The following GNS variants were observed in gnomAD, a reference collection of about 807,000 sequenced individuals.
The protein encoded by GNS is glucosamine (N-acetyl)-6-sulfatase, also known as N-acetylglucosamine-6-sulfatase.
GNS carries 40 observed loss-of-function variants against 69.7 expected under a neutral mutation model. That is an observed-to-expected ratio of 0.57 (90% CI 0.45 to 0.75). The LOEUF (loss-of-function observed/expected upper bound fraction) is 0.75. Ranked by LOEUF, GNS falls within the 30% of genes least tolerant of loss-of-function variation. The pLI is 0.00. For missense variants in GNS, 565 were observed against 685.5 expected (o/e 0.82, Z 1.96); for synonymous variants, 243 against 251.6 (o/e 0.97, Z 0.32).
intron 9 of GNS, among the ~76,000 whole-genome samples, chr12:64,729,989 T>C (rs1869330289): frequency 6.6e-6 from 1 of 152,248 alleles, no homozygotes; most frequent in Non-Finnish European, 1.5e-5. Flanking sequence ...CCATTTGGAC[T>C]ATCCACATTT....
At chr12:64,754,379 G>C (rs951629256) in intron 1 of GNS, among the ~76,000 whole-genome samples, 9 of 152,168 alleles carry the variant, frequency 5.9e-5, no homozygotes, top group Non-Finnish European at 1.3e-4. Flanking sequence ...AGTACGGAGA[G>C]CCATGCGATG....
intron 9 of GNS, among the ~76,000 whole-genome samples, chr12:64,729,649 A>G (rs1199225966): frequency 6.6e-6 from 1 of 152,236 alleles, no homozygotes; most frequent in Non-Finnish European, 1.5e-5. Flanking sequence ...GTTTTTAAAC[A>G]TTCTAGAAAC....
chr12:64,753,180 C>T (rs1870136560), intron 1 of GNS, among the ~76,000 whole-genome samples: 1 of 152,080 alleles, frequency 6.6e-6, no homozygotes, highest in Non-Finnish European at 1.5e-5. Context: ...CCCAGGACTC[C>T]GAGACTGATT....
At chr12:64,722,357 C>G (rs564851916) in intron 11 of GNS, among the ~76,000 whole-genome samples, 1 of 152,256 alleles carries the variant, frequency 6.6e-6, no homozygotes, top group East Asian at 1.9e-4. Flanking sequence ...AAATGTCACC[C>G]TAAGAAGTTG....
chr12:64,734,630 G>C (rs1221374100), intron 9 of GNS, among the ~76,000 whole-genome samples: 1 of 152,206 alleles, frequency 6.6e-6, no homozygotes, highest in Non-Finnish European at 1.5e-5. Flanking sequence ...AACAAGCCTA[G>C]CTTATCCCTA....
chr12:64,722,278 A>G (rs1411712274), intron 11 of GNS, among the ~76,000 whole-genome samples: 1 of 152,140 alleles, frequency 6.6e-6, no homozygotes, highest in Non-Finnish European at 1.5e-5. Context: ...TTGGCCTCCC[A>G]AAGTGCTAGG....
intron 9 of GNS, among the ~76,000 whole-genome samples, chr12:64,734,671 C>T (rs1447068706): frequency 6.6e-6 from 1 of 152,202 alleles, no homozygotes; most frequent in African/African-American, 2.4e-5. Context: ...CCGTCCTGCT[C>T]AGGACACTCT....
chr12:64,724,470 T>G (rs1177809774), intron 10 of GNS, among the ~76,000 whole-genome samples: 2 of 152,322 alleles, frequency 1.3e-5, no homozygotes, highest in African/African-American at 4.8e-5. Flanking sequence ...GAGTTAGAGA[T>G]AGGAATTATT....
chr12:64,734,818 T>C (rs1364558241), intron 9 of GNS, among the ~76,000 whole-genome samples: 1 of 152,176 alleles, frequency 6.6e-6, no homozygotes, highest in Non-Finnish European at 1.5e-5. Flanking sequence ...GAACTGATCT[T>C]GTGACCAGGC....
chr12:64,720,590 A>G (rs1868996235), intron 12 of GNS, among the ~76,000 whole-genome samples: 1 of 152,236 alleles, frequency 6.6e-6, no homozygotes, highest in African/African-American at 2.4e-5. Flanking sequence ...TTTAAAGGTG[A>G]TTTTTGCCCT....
At chr12:64,758,717 T>G (rs540925208) in intron 1 of GNS, among the ~76,000 whole-genome samples, 1 of 152,290 alleles carries the variant, frequency 6.6e-6, no homozygotes, top group Admixed American at 6.5e-5. Flanking sequence ...TGGACTTGTC[T>G]GTGATCCTCT....
chr12:64,750,718 C>T (rs1450663667), intron 2 of GNS, among the ~76,000 whole-genome samples: 1 of 151,794 alleles, frequency 6.6e-6, no homozygotes, highest in Non-Finnish European at 1.5e-5. Flanking sequence ...GCCTGAGCAA[C>T]AGAGTGAGAC....
chr12:64,722,936 A>G lies in GNS; in HGVS notation c.1308+70T>C, dbSNP rs1869078422. ...CAGATGAAAGGTTTCAATATTTGAC[A>G]CATGGCAACCAGCACCTTGCCATGT... On this transcript the variant is annotated intron_variant, in intron 11 of 13. Coordinates refer to ENST00000258145, the MANE Select transcript of GNS (RefSeq NM_002076.4). 17 of 916,304 alleles carry G rather than the reference A, an allele frequency of 1.9e-5. No individual in the cohort carries two copies. The East Asian group carries it at 4.1e-4, about 22-fold the overall frequency. The allele number at this position is 916,304 out of a possible 1,614,324, so 56.8% of individuals were successfully genotyped here. A position where few individuals can be genotyped will look rare whatever the true frequency, so the allele number is the denominator to read the frequency against.
intron 2 of GNS, among the ~76,000 whole-genome samples, chr12:64,750,192 G>A (rs867099857): frequency 6.6e-6 from 1 of 151,728 alleles, no homozygotes; most frequent in Non-Finnish European, 1.5e-5. Context: ...GCTCATAGGC[G>A]CTCGCCACCA....
intron 6 of GNS, among the ~76,000 whole-genome samples, chr12:64,741,104 G>GAT (rs1592502889): frequency 3.1e-5 from 4 of 129,620 alleles, no homozygotes; most frequent in African/African-American, 9.4e-5. Flanking sequence ...CTACTTGGGA[G>GAT]GCTGAGGCAG....
Position 64,723,133 on chromosome 12 carries a change from G to A in GNS, c.1201-20C>T, listed in dbSNP as rs760289073. 2 of 1,339,030 alleles carry A rather than the reference G, an allele frequency of 1.5e-6. No homozygotes were observed. The highest frequency in any genetic ancestry group is 2.3e-5 in the East Asian group (1 of 43,650). The allele number at this position is 1,339,030 out of a possible 1,614,324, so 82.9% of individuals were successfully genotyped here. A position where few individuals can be genotyped will look rare whatever the true frequency, so the allele number is the denominator to read the frequency against. Reference sequence around the variant, plus strand: ...ACCTCTCTAGAAAGAAGAGCAAGTGGAATTTCTGTGATGCACATAGACTAT... The same window carrying A: ...ACCTCTCTAGAAAGAAGAGCAAGTGAAATTTCTGTGATGCACATAGACTAT... On this transcript the variant is annotated intron_variant, in intron 10 of 13. Coordinates refer to ENST00000258145, the MANE Select transcript of GNS (RefSeq NM_002076.4).
chr12:64,747,628 A>G (rs1401085935), intron 3 of GNS, 84 bp downstream of exon 3: 6 of 835,754 alleles, frequency 7.2e-6, no homozygotes, highest in Non-Finnish European at 1.2e-5. Context: ...ATCCTTTAAC[A>G]TTAATTGAAA....
chr12:64,730,409 A>G (rs1474606521), intron 9 of GNS, among the ~76,000 whole-genome samples: 3 of 151,656 alleles, frequency 2.0e-5, no homozygotes, highest in Non-Finnish European at 4.4e-5. Context: ...TTTAAAAACA[A>G]AACCAAAAGT....
At position 64,721,647 on chromosome 12, in the gene GNS, C is replaced by T; in HGVS notation, c.1367G>A (p.Arg456Lys). The change falls in exon 12 of 14, where the codon AGG (arginine) becomes AAG (lysine). Residue 456 changes from arginine to lysine, a missense_variant. This residue lies in a region of GNS where 384 missense variants were observed against 511.0 expected (regional missense o/e 0.75). Transcript: ENST00000258145. Reference protein sequence around the residue: ...DAYNNTYACVRTMSALWNLQY... With the variant: ...DAYNNTYACVKTMSALWNLQY... ...CAAATTCCACAATGCTGACATTGTCCTCACACAGGCATAGGTATTGTTATA... is the reference window on the plus strand; with the variant it reads ...CAAATTCCACAATGCTGACATTGTCTTCACACAGGCATAGGTATTGTTATA... The T allele has an allele frequency of 6.2e-7, 1 of 1,601,632 alleles. No homozygotes were observed. Among genetic ancestry groups the T allele is most frequent in the Non-Finnish European group, 8.6e-7 (1 of 1,168,678 alleles).
Sources: gnomAD v4.1 joint callset for allele counts (sites outside exome capture counted in the v4.1 genomes callset) on GRCh38, gnomAD v4.1.1 for gene constraint, gnomAD v4.1.1 regional missense constraint, MANE v1.5 for transcripts, NCBI Gene and HGNC (gene_info 2026-07-23, HGNC 2026-07-21) for gene names.